The following SLC7A2 variants were observed in gnomAD, a reference collection of about 807,000 sequenced individuals.
The protein encoded by SLC7A2 is cationic amino acid transporter 2.
SLC7A2 carries 48 observed loss-of-function variants against 58.9 expected under a neutral mutation model. The ratio of observed to expected loss-of-function variants is 0.82; its 90% CI spans 0.65 to 1.04. The LOEUF is 1.04. Ranked by LOEUF, SLC7A2 falls within the 50% of genes least tolerant of loss-of-function variation. The pLI is 0.00. For synonymous variants in SLC7A2, 363 were observed against 314.5 expected (o/e 1.15, Z -1.63); for missense variants, 1,029 against 818.8 (o/e 1.26, Z -3.13).
At chr8:17,532,536 C>T (rs942553988) in intron 2 of SLC7A2, among the ~76,000 whole-genome samples, 2 of 151,992 alleles carry the variant, frequency 1.3e-5, no homozygotes, top group African/African-American at 4.8e-5. Flanking sequence ...TTTGAAATGT[C>T]TTAAGTCTTG....
chr8:17,538,964 T>C, intron 2 of SLC7A2: 4 of 1,574,810 alleles, frequency 2.5e-6, no homozygotes, highest in Non-Finnish European at 3.5e-6. Context: ...ATATAGAAGA[T>C]TAAGTTTGAA....
At chr8:17,564,352 G>C (rs554452328) in intron 12 of SLC7A2, among the ~76,000 whole-genome samples, 2 of 152,244 alleles carry the variant, frequency 1.3e-5, no homozygotes, top group African/African-American at 4.8e-5. Context: ...TGAAAAACTT[G>C]TTGAGAGCAA....
At chr8:17,559,505 G>A (rs979174894) in intron 9 of SLC7A2, among the ~76,000 whole-genome samples, 1 of 152,154 alleles carries the variant, frequency 6.6e-6, no homozygotes, top group Non-Finnish European at 1.5e-5. Context: ...GGCAGAGGTT[G>A]CAGTGAGCTG....
Position 17,558,322 on chromosome 8 carries a change from A to C in SLC7A2, c.1223A>C (p.Lys408Thr). ...TTGATGGCCTTTCTGTTTGACCTGA[A>C]GGCGCTTGTGGACATGATGTCCATT... ...AALMAFLFDL[K>T]ALVDMMSIGT... The change falls in exon 9 of 13, where the codon AAG (lysine) becomes ACG (threonine). Residue 408 changes from lysine to threonine, a missense_variant. Transcript: ENST00000494857. The C allele has an allele frequency of 6.2e-7, 1 of 1,613,264 alleles. No individual in the cohort carries two copies. The highest frequency in any genetic ancestry group is 8.5e-7 in the Non-Finnish European group (1 of 1,179,610).
intron 2 of SLC7A2, among the ~76,000 whole-genome samples, chr8:17,515,070 G>A (rs960048773): frequency 6.6e-6 from 1 of 151,936 alleles, no homozygotes; most frequent in East Asian, 1.9e-4. Flanking sequence ...AAAAGGGGAG[G>A]GACTTTATAG....
chr8:17,519,680 A>G lies in SLC7A2; in HGVS notation c.-23+17378A>G, dbSNP rs553127110. ...TCAAACCCTTCACACTTTTTCTCTAACTTTTCTCCATGCCATATCATCATC... is the reference window on the plus strand; with the variant it reads ...TCAAACCCTTCACACTTTTTCTCTAGCTTTTCTCCATGCCATATCATCATC... On this transcript the variant is annotated intron_variant, in intron 2 of 12. Transcript: ENST00000494857. Among the ~76,000 whole-genome samples, 34 of 152,112 alleles carry G rather than the reference A, an allele frequency of 2.2e-4. No homozygotes were observed. In the South Asian group the frequency reaches 6.9e-3, roughly 31 times the overall value.
chr8:17,526,234 G>T (rs1035783274), intron 2 of SLC7A2, among the ~76,000 whole-genome samples: 2 of 152,172 alleles, frequency 1.3e-5, no homozygotes, highest in African/African-American at 4.8e-5. Context: ...GAGGGATTCA[G>T]ATTTAAAAGG....
At chr8:17,510,114 G>A (rs1800541611) in intron 2 of SLC7A2, among the ~76,000 whole-genome samples, 1 of 152,010 alleles carries the variant, frequency 6.6e-6, no homozygotes, top group African/African-American at 2.4e-5. Flanking sequence ...CAGCTACTTG[G>A]GGGGCCAAGG....
chr8:17,543,812 C>A, intron 3 of SLC7A2, 97 bp downstream of exon 3: 2 of 1,068,802 alleles, frequency 1.9e-6, no homozygotes, highest in Non-Finnish European at 1.3e-6. Context: ...GGGTACATCA[C>A]TTGATGTCTG....
At chr8:17,512,636 T>C (rs1800652554) in intron 2 of SLC7A2, among the ~76,000 whole-genome samples, 1 of 152,030 alleles carries the variant, frequency 6.6e-6, no homozygotes, top group African/African-American at 2.4e-5. Flanking sequence ...TTTCCCCCTA[T>C]ATTTAAAATC....
chr8:17,543,807 C>T (rs1027707899), intron 3 of SLC7A2, 92 bp downstream of exon 3: 2 of 1,140,534 alleles, frequency 1.8e-6, no homozygotes, highest in Non-Finnish European at 2.5e-6. Context: ...GTGTTGGGTA[C>T]ATCACTTGAT....
chr8:17,502,922 A>T (rs1409097378), intron 2 of SLC7A2, among the ~76,000 whole-genome samples: 1 of 151,878 alleles, frequency 6.6e-6, no homozygotes, highest in Non-Finnish European at 1.5e-5. Context: ...TTATATTATT[A>T]TTTAAAAATA....
intron 1 of SLC7A2, chr8:17,498,908 TA>T (rs1295476223): frequency 1.3e-5 from 2 of 152,256 alleles, no homozygotes; most frequent in Non-Finnish European, 2.9e-5. Flanking sequence ...TGTGGCAGTT[TA>T]AAAAGCCTGA....
intron 8 of SLC7A2, 177 bp downstream of exon 8, chr8:17,554,876 A>G: frequency 6.5e-7 from 1 of 1,542,884 alleles, no homozygotes; most frequent in Non-Finnish European, 8.8e-7. Context: ...TCCAGTCTTT[A>G]CCTGTCTATA....
At chr8:17,498,637 C>T (rs1800040470) in intron 1 of SLC7A2, 1 of 152,182 alleles carries the variant, frequency 6.6e-6, no homozygotes, top group Non-Finnish European at 1.5e-5. Context: ...TCGGCCCACA[C>T]TTTGTTTACA....
At chr8:17,503,744 G>A (rs1800259955) in intron 2 of SLC7A2, among the ~76,000 whole-genome samples, 1 of 152,160 alleles carries the variant, frequency 6.6e-6, no homozygotes, top group African/African-American at 2.4e-5. Context: ...TGAGCTCAAA[G>A]CTTTAGGCTA....
At chr8:17,545,977 C>T (rs963325944) in intron 4 of SLC7A2, among the ~76,000 whole-genome samples, 3 of 152,046 alleles carry the variant, frequency 2.0e-5, no homozygotes, top group African/African-American at 4.8e-5. Flanking sequence ...GTTTTACATA[C>T]GGATAGGGAT....
upstream of SLC7A2, among the ~76,000 whole-genome samples, chr8:17,494,102 T>C (rs757785102): frequency 6.6e-6 from 1 of 152,132 alleles, no homozygotes; most frequent in South Asian, 2.1e-4. Context: ...CTGAAAAAAA[T>C]TGGAGGATTT....
At chr8:17,539,556 A>T (rs1801820911) in intron 2 of SLC7A2, among the ~76,000 whole-genome samples, 3 of 152,310 alleles carry the variant, frequency 2.0e-5, no homozygotes, top group Middle Eastern at 6.8e-3. Flanking sequence ...TGTTTCTGGT[A>T]TTGCCAGAAT....
Sources: allele counts gnomAD v4.1 joint callset (sites outside exome capture counted in the v4.1 genomes callset), GRCh38; gene constraint gnomAD v4.1.1; transcripts MANE v1.5; gene names NCBI Gene and HGNC (gene_info 2026-07-23, HGNC 2026-07-21).